TAF7L: variants seen among roughly 807,000 people sequenced by gnomAD.
The protein encoded by TAF7L is TATA-box binding protein associated factor 7 like.
TAF7L carries 6 observed loss-of-function variants against 30.2 expected under a neutral mutation model. The ratio of observed to expected loss-of-function variants is 0.20; its 90% CI spans 0.11 to 0.39. The LOEUF (loss-of-function observed/expected upper bound fraction) is 0.39. Among genes scored for constraint, TAF7L ranks in the 10% least tolerant of loss-of-function variants. The probability of loss-of-function intolerance (pLI) is 1.00; values close to 1 mark genes in which losing one functional copy is unlikely to be tolerated. For synonymous variants in TAF7L, 93 were observed against 94.5 expected (o/e 0.98, Z 0.09); for missense variants, 284 against 277.1 (o/e 1.03, Z -0.18).
At chrX:101,275,941 C>CA in intron 11 of TAF7L, 59 bp downstream of exon 11, 1 of 878,688 alleles carries the variant, frequency 1.1e-6, no homozygotes, top group Non-Finnish European at 1.6e-6. Flanking sequence ...AGTGGAAACA[C>CA]AAAGGCAAGA....
chrX:101,273,083 G>A (rs1045530241), intron 12 of TAF7L, among the ~76,000 whole-genome samples: 15 of 111,721 alleles, frequency 1.3e-4, no homozygotes, highest in African/African-American at 4.9e-4. Context: ...CTAAATGGGT[G>A]ATATTGTATG....
At chrX:101,287,361 C>T (rs1453618859) in intron 2 of TAF7L, 117 bp downstream of exon 2, 1 of 604,127 alleles carries the variant, frequency 1.7e-6, no homozygotes, top group African/African-American at 2.3e-5. Flanking sequence ...TCCTGGGAAA[C>T]AAATGTTCTG....
chrX:101,271,055 T>C (rs1932074182), intron 12 of TAF7L, among the ~76,000 whole-genome samples: 1 of 111,365 alleles, frequency 9.0e-6, no homozygotes, highest in Admixed American at 9.6e-5. Context: ...TGTCATTCCT[T>C]TAAGTCCCTA....
Position 101,276,687 on chromosome X carries a change from C to T in TAF7L, c.692-159G>A, listed in dbSNP as rs759402229. ...GATTATTCCCTTTATAAAACAAGGA[C>T]AGCAAATGCAAAACACTGTAACATT... On this transcript the variant is annotated intron_variant, in intron 9 of 12. Transcript: ENST00000356784. 3.6e-5 allele frequency among the ~76,000 whole-genome samples: 4 copies of T among 111,570 alleles called. No individual in the cohort carries two copies. The South Asian group carries it at 1.5e-3, about 42-fold the overall frequency.
chrX:101,292,524 G>T (rs940453029), upstream of TAF7L, among the ~76,000 whole-genome samples: 5 of 106,849 alleles, frequency 4.7e-5, no homozygotes, highest in Non-Finnish European at 7.7e-5. Flanking sequence ...CCCTAGGCAC[G>T]GTGACCTCGC....
chrX:101,293,021 G>A, upstream of TAF7L: 2 of 1,211,373 alleles, frequency 1.7e-6, no homozygotes. Flanking sequence ...GAAGAAATGG[G>A]GAGCTGTCCC....
In TAF7L at chrX:101,278,059, G is replaced by C. The variant is rs375074970; in HGVS notation, c.567C>G (p.Ala189=). ...VKRLLRSDAE[A]VSTRWEVIAE... ...TTGTATAAAGGATACGGGTACTTAC[G>C]GCTTCAGCATCCGAACGCAGCAGTC... Residue 189 remains alanine (A), a synonymous_variant, in exon 8 of 13, where the codon GCC becomes GCG. Transcript: ENST00000356784. 1 of 1,207,956 alleles carries C rather than the reference G, an allele frequency of 8.3e-7. No homozygotes were observed. Among genetic ancestry groups the C allele is most frequent in the Admixed American group, 2.2e-5 (1 of 45,713 alleles).
At position 101,268,963 on chromosome X, in the gene TAF7L, CAAAGAG is replaced by C; in HGVS notation, c.*224_*229del. 1 of 301,503 alleles carries C rather than the reference CAAAGAG, an allele frequency of 3.3e-6. No homozygotes were observed. 24.8% of individuals were successfully genotyped at this position (301,503 alleles called of 1,213,427 possible). On this transcript the variant is annotated 3_prime_UTR_variant, in exon 13 of 13. Transcript: ENST00000356784. The stretch of plus-strand genomic sequence containing the variant: ...TTAATAATAATAATTCCCAAATTGA[CAAAGAG>C]AAAGTCTCATGGTCGAGTGGGGTCT...
At chrX:101,285,910 C>T (rs1042579344) in intron 3 of TAF7L, among the ~76,000 whole-genome samples, 1 of 111,439 alleles carries the variant, frequency 9.0e-6, no homozygotes, top group Non-Finnish European at 1.9e-5. Flanking sequence ...TGGCCAGGCA[C>T]GGTGGCTCAC....
At chrX:101,283,196 T>C (rs1199084871) in intron 4 of TAF7L, among the ~76,000 whole-genome samples, 1 of 111,745 alleles carries the variant, frequency 8.9e-6, no homozygotes, top group Non-Finnish European at 1.9e-5. Flanking sequence ...AGCTCATATG[T>C]TTCAATTAAT....
intron 2 of TAF7L, 41 bp from the exon 3 acceptor site, chrX:101,286,694 T>C (rs895063796): frequency 6.8e-6 from 7 of 1,029,566 alleles, no homozygotes; most frequent in Non-Finnish European, 9.5e-6. Context: ...GAACTAAACA[T>C]CTACTTGGCA....
In TAF7L at chrX:101,269,079, A is replaced by AAAT; in HGVS notation, c.*111_*113dup. 1 of 617,334 alleles carries AAAT rather than the reference A, an allele frequency of 1.6e-6. No homozygotes were observed. The highest frequency in any genetic ancestry group is 2.6e-6 in the Non-Finnish European group (1 of 388,698). The allele number at this position is 617,334 out of a possible 1,213,427, so 50.9% of individuals were successfully genotyped here. The stretch of plus-strand genomic sequence containing the variant: ...TTTAAGTAGCAAAGAAGGTACAGAT[A>AAAT]AATATAACTGATTCAACATAAGGCA... On this transcript the variant is annotated 3_prime_UTR_variant, in exon 13 of 13. Coordinates refer to ENST00000356784, the MANE Select transcript of TAF7L (RefSeq NM_001168474.2).
chrX:101,276,258 T>G, intron 10 of TAF7L, 49 bp downstream of exon 10: 1 of 1,207,325 alleles, frequency 8.3e-7, no homozygotes, highest in Non-Finnish European at 1.1e-6. Context: ...AGTCAACTGT[T>G]AGCACTGCCA....
chrX:101,292,973 C>T, upstream of TAF7L: 2 of 1,211,145 alleles, frequency 1.7e-6, no homozygotes, highest in South Asian at 3.5e-5. Context: ...TGGCTAGTTA[C>T]TTCCGATGTT....
In TAF7L at chrX:101,277,688, C is replaced by T; in HGVS notation, c.609G>A (p.Lys203=). Residue 203 remains lysine (K), a synonymous_variant, in exon 9 of 13, where the codon AAG becomes AAA. Transcript: ENST00000356784. The part of the protein sequence containing the change: ...RWEVIAEDGT[K]EIESQGSIPG... ...GGATGGAGCCTTGACTTTCTATTTC[C>T]TTGGTTCCATCTTCAGCAATGACTT... 3.3e-6 allele frequency: 4 copies of T among 1,204,133 alleles called. No individual in the cohort carries two copies. The highest frequency in any genetic ancestry group is 4.5e-6 in the Non-Finnish European group (4 of 892,410).
At chrX:101,291,488 C>T (rs1383890920), upstream of TAF7L, among the ~76,000 whole-genome samples, 2 of 112,039 alleles carry the variant, frequency 1.8e-5, no homozygotes, top group South Asian at 3.7e-4. Flanking sequence ...TCGAAAGGCG[C>T]GGAGCGCCGA....
At chrX:101,289,995 A>C (rs1924740958) in intron 1 of TAF7L, among the ~76,000 whole-genome samples, 1 of 107,667 alleles carries the variant, frequency 9.3e-6, no homozygotes, top group Non-Finnish European at 1.9e-5. Flanking sequence ...CAGGTGGATC[A>C]CCTGAGGTCA....
chrX:101,286,439 A>G, intron 3 of TAF7L, 136 bp downstream of exon 3: 1 of 428,060 alleles, frequency 2.3e-6, no homozygotes, highest in Non-Finnish European at 3.9e-6. Flanking sequence ...AAGCCTCTCT[A>G]AAGCATGAGT....
rs148212451 is a variant in TAF7L at position 101,282,250 on chromosome X, G to A, written c.406+77C>T. On this transcript the variant is annotated intron_variant, in intron 5 of 12. Transcript: ENST00000356784. ...ACCAAACACCTAAGTGTGGTAAGAC[G>A]TCCCTGTTTCACAAGGAATTAGGAT... 9.3e-4 allele frequency: 1,062 copies of A among 1,142,200 alleles called. 9 individuals are homozygous for A. The African/African-American group carries it at 0.017, about 18-fold the overall frequency. The allele number at this position is 1,142,200 out of a possible 1,213,427, so 94.1% of individuals were successfully genotyped here.
Sources: gnomAD v4.1 joint callset for allele counts (sites outside exome capture counted in the v4.1 genomes callset) on GRCh38, gnomAD v4.1.1 for gene constraint, MANE v1.5 for transcripts, NCBI Gene and HGNC (gene_info 2026-07-23, HGNC 2026-07-21) for gene names.